The following PLD5 variants were observed in gnomAD, a reference collection of about 807,000 sequenced individuals.
The protein encoded by PLD5 is phospholipase D family member 5.
A neutral mutation model predicts 61.1 loss-of-function variants in PLD5; 36 were observed. That is an observed-to-expected ratio of 0.59 (90% CI 0.45 to 0.78). The LOEUF (loss-of-function observed/expected upper bound fraction) is 0.78. PLD5 is among the 30% of genes least tolerant of loss of function. The pLI, the probability that PLD5 is intolerant of heterozygous loss-of-function variation, is 0.00. For missense variants in PLD5, 515 were observed against 644.4 expected, an observed-to-expected ratio of 0.80 and a Z score of 2.17; for synonymous variants, 243 against 242.8, an observed-to-expected ratio of 1.00 and a Z score of -0.01.
chr1:242,439,209 T>A (rs1469834458), intron 1 of PLD5, among the ~76,000 whole-genome samples: 2 of 152,200 alleles, frequency 1.3e-5, no homozygotes, highest in African/African-American at 4.8e-5. Context: ...TGTTTCTTGT[T>A]CACGTAGAGT....
At chr1:242,098,281 ACTTCT>A (rs1660406537) in intron 9 of PLD5, among the ~76,000 whole-genome samples, 1 of 151,746 alleles carries the variant, frequency 6.6e-6, no homozygotes, top group African/African-American at 2.4e-5. Flanking sequence ...TTTTCTCTAA[ACTTCT>A]CTTCTCGCTT....
At chr1:242,444,285 T>C (rs1317613060) in intron 1 of PLD5, among the ~76,000 whole-genome samples, 1 of 152,178 alleles carries the variant, frequency 6.6e-6, no homozygotes, top group Non-Finnish European at 1.5e-5. Context: ...TTCCAATAAA[T>C]AGCATCTTAG....
rs905585 is a variant in PLD5, at chr1:242,451,374, T to G, written c.189+72714A>C. Among the ~76,000 whole-genome samples the G allele has an allele frequency of 3.2e-3, 490 of 152,208 alleles. 15 individuals are homozygous for G. In the East Asian group the frequency reaches 0.081, roughly 25 times the overall value. ...TCATACATTGTCTTCAGACACTTCTTGGATGCCACTGGTTATTTTATTGTT... is the reference window on the plus strand; with the variant it reads ...TCATACATTGTCTTCAGACACTTCTGGGATGCCACTGGTTATTTTATTGTT... On this transcript the variant is annotated intron_variant, in intron 1 of 9. Transcript: ENST00000536534.
At chr1:242,188,650 A>G (rs1309653318) in intron 5 of PLD5, 1 of 152,272 alleles carries the variant, frequency 6.6e-6, no homozygotes, top group African/African-American at 2.4e-5. Context: ...AAAGGCAACT[A>G]TGGTTCACCG....
At chr1:242,230,041 T>C (rs1671202843) in intron 4 of PLD5, among the ~76,000 whole-genome samples, 1 of 152,104 alleles carries the variant, frequency 6.6e-6, no homozygotes, top group Non-Finnish European at 1.5e-5. Context: ...GGGGATGCTA[T>C]TAGTATTTAG....
chr1:242,312,646 AG>A (rs1390247259), intron 2 of PLD5, among the ~76,000 whole-genome samples: 1 of 152,130 alleles, frequency 6.6e-6, no homozygotes, highest in Non-Finnish European at 1.5e-5. Context: ...CTGAGCTCCT[AG>A]TTAAGCAACG....
At chr1:242,278,558 C>G (rs748921189) in intron 3 of PLD5, among the ~76,000 whole-genome samples, 37 of 152,126 alleles carry the variant, frequency 2.4e-4, no homozygotes, top group South Asian at 1.0e-3. Context: ...AAAACAGGAC[C>G]AAAATCCACC....
chr1:242,418,531 C>A (rs1460099469), intron 1 of PLD5, among the ~76,000 whole-genome samples: 1 of 151,936 alleles, frequency 6.6e-6, no homozygotes, highest in Admixed American at 6.6e-5. Flanking sequence ...ATCAGCACTA[C>A]GAGGTAAAAT....
At chr1:242,095,548 T>A (rs1660161565) in intron 9 of PLD5, among the ~76,000 whole-genome samples, 1 of 152,172 alleles carries the variant, frequency 6.6e-6, no homozygotes, top group African/African-American at 2.4e-5. Context: ...ATTTAATTCA[T>A]CAAAAGTACA....
rs865860395 is a variant in PLD5 at position 242,096,531 on chromosome 1, G to A, written c.1354+4137C>T. On this transcript the variant is annotated intron_variant, in intron 9 of 9. Coordinates refer to ENST00000536534, the MANE Select transcript of PLD5 (RefSeq NM_001372062.1). ...TAATTTTTGTATTTTTAGTAGAGAC[G>A]GGGTTTCACCATGTTGCCCAGGCTG... 2.6e-5 allele frequency among the ~76,000 whole-genome samples: 4 copies of A among 151,500 alleles called. 1 individual carries two copies. In the Middle Eastern group the frequency reaches 0.014, roughly 519 times the overall value.
intron 1 of PLD5, among the ~76,000 whole-genome samples, chr1:242,456,856 A>G (rs2102931674): frequency 6.6e-6 from 1 of 152,304 alleles, no homozygotes; most frequent in South Asian, 2.1e-4. Context: ...TCTTCAGGTT[A>G]CCAAAATCCC....
intron 1 of PLD5, among the ~76,000 whole-genome samples, chr1:242,375,147 C>T (rs1269993999): frequency 2.0e-5 from 3 of 152,330 alleles, no homozygotes; most frequent in Middle Eastern, 6.8e-3. Flanking sequence ...CTACCAAGCA[C>T]GTCCTAGCCT....
At position 242,113,084 on chromosome 1, in the gene PLD5, C is replaced by CTTTTTTTT. The variant is rs71570931; in HGVS notation, c.1070+798_1070+805dup. Among the ~76,000 whole-genome samples the CTTTTTTTT allele has an allele frequency of 5.1e-4, 56 of 110,654 alleles. 2 individuals are homozygous for CTTTTTTTT. Among genetic ancestry groups the CTTTTTTTT allele is most frequent in the Non-Finnish European group, 5.4e-4 (30 of 55,880 alleles). The allele number at this position is 110,654 out of a possible 152,430, so 72.6% of individuals were successfully genotyped here. On this transcript the variant is annotated intron_variant, in intron 7 of 9. Transcript: ENST00000536534. ...ATTTGAAGTTTCTTTCTCTCTCTCT[C>CTTTTTTTT]TTTTTTTTTTTTTTTTTTTTTTTGA...
chr1:242,442,925 C>T (rs985723930), intron 1 of PLD5, among the ~76,000 whole-genome samples: 2 of 152,132 alleles, frequency 1.3e-5, no homozygotes, highest in Non-Finnish European at 2.9e-5. Flanking sequence ...AAACTTAAGT[C>T]GTAAACACAG....
In PLD5 at chr1:242,199,411, C is replaced by T. The variant is rs190560964; in HGVS notation, c.735+20577G>A. Reference sequence around the variant, plus strand: ...CTGGGATTACAGGCGCCCGCCACCACGCCCAGCTAATTTTTGTATTTTTAG... The same window carrying T: ...CTGGGATTACAGGCGCCCGCCACCATGCCCAGCTAATTTTTGTATTTTTAG... On this transcript the variant is annotated intron_variant, in intron 5 of 9. Coordinates refer to ENST00000536534, the MANE Select transcript of PLD5 (RefSeq NM_001372062.1). Among the ~76,000 whole-genome samples, 90 of 152,134 alleles carry T rather than the reference C, an allele frequency of 5.9e-4. 2 individuals are homozygous for T. In the South Asian group the frequency reaches 0.016, roughly 27 times the overall value.
Position 242,194,610 on chromosome 1 carries a change from C to CTATG in PLD5, c.735+25377_735+25378insCATA, listed in dbSNP as rs1349850152. Among the ~76,000 whole-genome samples the CTATG allele has an allele frequency of 5.7e-3, 443 of 78,336 alleles. 2 individuals are homozygous for CTATG. Among genetic ancestry groups the CTATG allele is most frequent in the Middle Eastern group, 0.03 (4 of 134 alleles). The allele number at this position is 78,336 out of a possible 152,430, so 51.4% of individuals were successfully genotyped here. A position where few individuals can be genotyped will look rare whatever the true frequency, so the allele number is the denominator to read the frequency against. On this transcript the variant is annotated intron_variant, in intron 5 of 9. Coordinates refer to ENST00000536534, the MANE Select transcript of PLD5 (RefSeq NM_001372062.1). Reference sequence around the variant, plus strand: ...TCTATCTATCTATCTATCTATGTATCTATCTATGTATCTATCTATCTATCT... The same window carrying CTATG: ...TCTATCTATCTATCTATCTATGTATCTATGTATCTATGTATCTATCTATCTATCT...
At chr1:242,411,117 G>A (rs72765006) in intron 1 of PLD5, among the ~76,000 whole-genome samples, 13,177 of 152,170 alleles carry the variant, frequency 0.087, 652 homozygotes, top group Admixed American at 0.15. Context: ...AAAATTATAG[G>A]TTCTTCAAGT....
intron 4 of PLD5, among the ~76,000 whole-genome samples, chr1:242,254,747 A>G (rs981219509): frequency 9.2e-5 from 14 of 152,164 alleles, no homozygotes; most frequent in African/African-American, 3.4e-4. Flanking sequence ...CAGTAATGAC[A>G]AGTTTAGAAT....
intron 2 of PLD5, among the ~76,000 whole-genome samples, chr1:242,293,148 A>G (rs1279555356): frequency 6.6e-6 from 1 of 152,256 alleles, no homozygotes; most frequent in African/African-American, 2.4e-5. Context: ...TCTTTAAAAA[A>G]GAGAATAGAG....
Sources: gnomAD v4.1 joint callset for allele counts (sites outside exome capture counted in the v4.1 genomes callset) on GRCh38, gnomAD v4.1.1 for gene constraint, MANE v1.5 for transcripts, NCBI Gene and HGNC (gene_info 2026-07-23, HGNC 2026-07-21) for gene names.